GLIS3: variants seen among roughly 807,000 people sequenced by gnomAD.
The protein encoded by GLIS3 is zinc finger protein GLIS3.
Under a neutral mutation model 78.6 loss-of-function variants are expected in GLIS3, and 53 were observed. The observed-to-expected ratio is 0.67, with a 90% confidence interval of 0.54 to 0.85. GLIS3 has a LOEUF of 0.85. GLIS3 is among the 40% of genes least tolerant of loss of function. The pLI is 0.00. For synonymous variants in GLIS3, 684 were observed against 509.9 expected, an observed-to-expected ratio of 1.34 and a Z score of -4.60; for missense variants, 1,703 against 1,231.1, an observed-to-expected ratio of 1.38 and a Z score of -5.74.
the GLIS3 span, among the ~76,000 whole-genome samples, chr9:4,488,615 G>A: frequency 1.2e-4 from 19 of 152,168 alleles, no homozygotes; most frequent in African/African-American, 4.1e-4. Flanking sequence ...CACCTCCTGG[G>A]TTCAAGTGAT....
intron 4 of GLIS3, among the ~76,000 whole-genome samples, chr9:4,027,518 T>C (rs558585635): frequency 6.6e-6 from 1 of 152,308 alleles, no homozygotes; most frequent in East Asian, 1.9e-4. Flanking sequence ...TCTTTTTTTC[T>C]CCCAATTCTA....
chr9:4,369,868 C>T, the GLIS3 span, among the ~76,000 whole-genome samples: 9 of 152,164 alleles, frequency 5.9e-5, no homozygotes, highest in East Asian at 1.5e-3. Context: ...AATTGCAGGA[C>T]GTGGTGAATG....
At chr9:3,936,998 T>C (rs1193761575) in intron 5 of GLIS3, 30 bp downstream of exon 5, 2 of 1,611,890 alleles carry the variant, frequency 1.2e-6, no homozygotes, top group Non-Finnish European at 8.5e-7. Context: ...GGCGCTGGGT[T>C]GGAAACTGGA....
intron 8 of GLIS3, among the ~76,000 whole-genome samples, chr9:3,866,064 T>C (rs1431188327): frequency 6.6e-6 from 1 of 152,190 alleles, no homozygotes; most frequent in Non-Finnish European, 1.5e-5. Flanking sequence ...TTGCCTGCTC[T>C]GGGATACTGT....
intron 4 of GLIS3, among the ~76,000 whole-genome samples, chr9:4,083,725 C>CA (rs1463388655): frequency 6.6e-6 from 1 of 151,988 alleles, no homozygotes; most frequent in Non-Finnish European, 1.5e-5. Context: ...TAAACCAAGC[C>CA]AAAAACACAA....
rs148001827 is a variant in GLIS3, at chr9:3,955,119, G to A, written c.1711-17930C>T. Among the ~76,000 whole-genome samples, 250 of 152,302 alleles carry A rather than the reference G, an allele frequency of 1.6e-3. 2 individuals carry two copies. Among genetic ancestry groups the A allele is most frequent in the African/African-American group, 5.6e-3 (233 of 41,564 alleles). ...GGAGTTAGTGGCTGTGCCAAATGAA[G>A]ACGACCTGGGGAACAGAGCCGTAAA... On this transcript the variant is annotated intron_variant, in intron 4 of 10. Transcript: ENST00000381971.
chr9:4,114,913 C>G (rs1018469760), intron 4 of GLIS3, among the ~76,000 whole-genome samples: 1 of 152,228 alleles, frequency 6.6e-6, no homozygotes, highest in East Asian at 1.9e-4. Flanking sequence ...AGCCCTCCCC[C>G]AGTTCTGCCA....
the GLIS3 span, among the ~76,000 whole-genome samples, chr9:4,389,714 G>A: frequency 1.3e-5 from 2 of 152,198 alleles, no homozygotes; most frequent in African/African-American, 4.8e-5. Context: ...TTTGAGGAAA[G>A]ACACACAGAC....
upstream of GLIS3, among the ~76,000 whole-genome samples, chr9:4,302,787 C>G (rs1490376317): frequency 2.0e-5 from 3 of 152,188 alleles, no homozygotes; most frequent in Non-Finnish European, 4.4e-5. Flanking sequence ...TGCAAAGCAT[C>G]TTGTGGTCAG....
At chr9:4,369,849 G>A in the GLIS3 span, among the ~76,000 whole-genome samples, 11 of 152,198 alleles carry the variant, frequency 7.2e-5, no homozygotes, top group African/African-American at 2.4e-4. Context: ...AGTTAAAAAG[G>A]AAGCATGCAA....
At chr9:4,265,585 A>T (rs762650719) in intron 2 of GLIS3, among the ~76,000 whole-genome samples, 5 of 152,138 alleles carry the variant, frequency 3.3e-5, no homozygotes, top group African/African-American at 1.2e-4. Context: ...TCTACCTCCT[A>T]AAACAAAAAT....
At chr9:4,377,786 T>A in the GLIS3 span, among the ~76,000 whole-genome samples, 1 of 152,216 alleles carries the variant, frequency 6.6e-6, no homozygotes, top group African/African-American at 2.4e-5. Context: ...AAAGTTGCAC[T>A]TGTTTAGGCA....
At chr9:3,859,175 A>G (rs933018052) in intron 8 of GLIS3, among the ~76,000 whole-genome samples, 1 of 152,180 alleles carries the variant, frequency 6.6e-6, no homozygotes, top group African/African-American at 2.4e-5. Context: ...CAAGCTAACA[A>G]GTAGTCTGAG....
At chr9:4,151,563 C>G (rs1333903212) in intron 2 of GLIS3, among the ~76,000 whole-genome samples, 1 of 152,150 alleles carries the variant, frequency 6.6e-6, no homozygotes, top group African/African-American at 2.4e-5. Context: ...AGTTTACAAG[C>G]AGTAAGTGGG....
chr9:4,446,036 T>G, the GLIS3 span, among the ~76,000 whole-genome samples: 9 of 152,238 alleles, frequency 5.9e-5, no homozygotes, highest in Non-Finnish European at 1.0e-4. Context: ...TTTTAAATTA[T>G]ATTTCAATTT....
At chr9:4,403,473 G>A in the GLIS3 span, among the ~76,000 whole-genome samples, 2 of 152,182 alleles carry the variant, frequency 1.3e-5, no homozygotes, top group Admixed American at 6.5e-5. Flanking sequence ...AAGACTAAAT[G>A]ATGAACCACT....
intron 2 of GLIS3, among the ~76,000 whole-genome samples, chr9:4,267,500 G>A (rs1395144486): frequency 2.0e-5 from 3 of 152,144 alleles, no homozygotes; most frequent in Non-Finnish European, 4.4e-5. Context: ...CAACCCCACA[G>A]TACCCAAATA....
At chr9:4,326,646 C>T (rs1204139695) in intron 2 of GLIS3, among the ~76,000 whole-genome samples, 1 of 152,062 alleles carries the variant, frequency 6.6e-6, no homozygotes, top group African/African-American at 2.4e-5. Flanking sequence ...CGTGAATGTT[C>T]TTAACGTCAT....
intron 4 of GLIS3, among the ~76,000 whole-genome samples, chr9:3,988,462 A>T (rs1819950770): frequency 6.6e-6 from 1 of 152,198 alleles, no homozygotes; most frequent in African/African-American, 2.4e-5. Flanking sequence ...AATGGAAGTG[A>T]GGTTCCCATA....
Sources: gnomAD v4.1 joint callset for allele counts (sites outside exome capture counted in the v4.1 genomes callset) on GRCh38, gnomAD v4.1.1 for gene constraint, MANE v1.5 for transcripts, NCBI Gene and HGNC (gene_info 2026-07-23, HGNC 2026-07-21) for gene names.